The following TFDP2 variants were observed in gnomAD, a reference collection of about 807,000 sequenced individuals.
The protein encoded by TFDP2 is transcription factor Dp-2 (E2F dimerization partner 2).
TFDP2 carries 17 observed loss-of-function variants against 59.3 expected under a neutral mutation model. The ratio of observed to expected loss-of-function variants is 0.29; its 90% CI spans 0.20 to 0.43. The LOEUF (loss-of-function observed/expected upper bound fraction) is 0.43. Among genes scored for constraint, TFDP2 ranks in the 20% least tolerant of loss-of-function variants. The pLI, the probability that TFDP2 is intolerant of heterozygous loss-of-function variation, is 1.00. For synonymous variants in TFDP2, 180 were observed against 194.7 expected (o/e 0.92, Z 0.63); for missense variants, 391 against 528.8 (o/e 0.74, Z 2.56).
intron 3 of TFDP2, among the ~76,000 whole-genome samples, chr3:142,027,927 T>A (rs557044896): frequency 1.3e-5 from 2 of 152,114 alleles, no homozygotes; most frequent in Non-Finnish European, 2.9e-5. Flanking sequence ...CTGTGCCTCA[T>A]AATAAACCAT....
chr3:142,130,289 C>T (rs895761786), intron 1 of TFDP2, among the ~76,000 whole-genome samples: 1 of 151,982 alleles, frequency 6.6e-6, no homozygotes, highest in Non-Finnish European at 1.5e-5. Flanking sequence ...CTGACATATG[C>T]TACATTGATG....
chr3:142,059,775 T>C (rs1284617737), intron 3 of TFDP2, among the ~76,000 whole-genome samples: 1 of 152,074 alleles, frequency 6.6e-6, no homozygotes, highest in Non-Finnish European at 1.5e-5. Context: ...AGAGACGGGG[T>C]TTTGCCATGT....
chr3:142,007,366 A>G (rs1944302129), intron 3 of TFDP2, among the ~76,000 whole-genome samples: 1 of 152,038 alleles, frequency 6.6e-6, no homozygotes, highest in African/African-American at 2.4e-5. Context: ...CCACCCAGTG[A>G]TCTAATCTAG....
intron 3 of TFDP2, among the ~76,000 whole-genome samples, chr3:142,010,400 A>G (rs1214225262): frequency 1.3e-5 from 2 of 152,112 alleles, no homozygotes; most frequent in Non-Finnish European, 2.9e-5. Context: ...CACGAGGTCA[A>G]GAGTTCGACA....
Position 142,094,842 on chromosome 3 carries a change from A to G in TFDP2, c.16-1715T>C, listed in dbSNP as rs1168035571. Among the ~76,000 whole-genome samples the G allele has an allele frequency of 2.0e-5, 3 of 152,172 alleles. No individual in the cohort carries two copies. In the East Asian group the frequency reaches 5.8e-4, roughly 29 times the overall value. ...AATTTAAGATCTATCCTTTTAGCAA[A>G]TTACAAGCACACAATACAGTACTAT... On this transcript the variant is annotated intron_variant, in intron 2 of 12. Coordinates refer to ENST00000489671, the MANE Select transcript of TFDP2 (RefSeq NM_001178139.2).
intron 3 of TFDP2, among the ~76,000 whole-genome samples, chr3:142,080,419 G>A (rs1448769699): frequency 1.3e-5 from 2 of 152,044 alleles, no homozygotes; most frequent in Non-Finnish European, 2.9e-5. Context: ...AGGAACGCAG[G>A]AAGGAAGGGA....
intron 4 of TFDP2, among the ~76,000 whole-genome samples, chr3:141,997,586 A>C (rs1943385685): frequency 6.6e-6 from 1 of 151,940 alleles, no homozygotes; most frequent in Admixed American, 6.6e-5. Flanking sequence ...ATGGTGGCTC[A>C]TGCCTGTAAT....
intron 8 of TFDP2, among the ~76,000 whole-genome samples, chr3:141,973,123 A>ATATTTTTTTTTTTTTTTT: frequency 1.7e-5 from 1 of 58,026 alleles, no homozygotes; most frequent in East Asian, 3.4e-4. Context: ...ATATATATAT[A>ATATTTTTTTTTTTTTTTT]TTTTTTTTTT....
chr3:141,977,091 T>TAGATAGATAGATAGATAGATAG (rs1553763125), intron 7 of TFDP2, among the ~76,000 whole-genome samples: 14 of 102,236 alleles, frequency 1.4e-4, no homozygotes, highest in South Asian at 3.1e-4. Flanking sequence ...GTCATAGCCA[T>TAGATAGATAGATAGATAGATAG]ATATATATAT....
intron 3 of TFDP2, among the ~76,000 whole-genome samples, chr3:142,060,956 A>G (rs777692306): frequency 7.2e-5 from 11 of 152,202 alleles, no homozygotes; most frequent in Non-Finnish European, 1.5e-4. Flanking sequence ...ACGATTTTTC[A>G]TATGAGAACG....
intron 3 of TFDP2, chr3:142,029,280 G>C (rs556378948): frequency 6.6e-6 from 1 of 151,766 alleles, no homozygotes; most frequent in South Asian, 2.1e-4. Context: ...AGGAGGCTAT[G>C]CTTCAATGCC....
chr3:141,953,863 T>C (rs1251111164), intron 11 of TFDP2, among the ~76,000 whole-genome samples: 1 of 146,410 alleles, frequency 6.8e-6, no homozygotes, highest in Non-Finnish European at 1.5e-5. Context: ...CAGACGTTAC[T>C]GTTTTAGTCT....
intron 4 of TFDP2, among the ~76,000 whole-genome samples, chr3:141,997,521 C>T (rs2108214416): frequency 1.3e-5 from 2 of 151,956 alleles, no homozygotes; most frequent in East Asian, 1.9e-4. Flanking sequence ...TAGCAGCCTA[C>T]ATGCTTGGTT....
chr3:142,038,731 TA>T lies in TFDP2; in HGVS notation c.83-33188del, dbSNP rs1946815360. On this transcript the variant is annotated intron_variant, in intron 3 of 12. Transcript: ENST00000489671. ...ACATATCGAGTCTTTCTATGATACA[TA>T]TTTTTTTTTACAAAAAAGGGGATCA... 3.3e-5 allele frequency among the ~76,000 whole-genome samples: 5 copies of T among 151,208 alleles called. No homozygotes were observed. In the South Asian group the frequency reaches 1.0e-3, roughly 32 times the overall value.
chr3:142,044,084 G>T, intron 3 of TFDP2: 1 of 649,628 alleles, frequency 1.5e-6, no homozygotes, highest in South Asian at 1.5e-5. Context: ...CGCATCTGCT[G>T]ACGGGAGTTG....
chr3:141,999,785 G>T (rs1460864841), intron 4 of TFDP2, among the ~76,000 whole-genome samples: 3 of 151,680 alleles, frequency 2.0e-5, no homozygotes, highest in Non-Finnish European at 4.4e-5. Context: ...GCCTAGGCTG[G>T]AGTGCAGTGG....
In TFDP2 at chr3:141,945,774, T is replaced by G. The variant is rs1429778091; in HGVS notation, c.*6739A>C. 1 of 152,258 alleles carries G rather than the reference T, an allele frequency of 6.6e-6. No homozygotes were observed. Among genetic ancestry groups the G allele is most frequent in the Non-Finnish European group, 1.5e-5 (1 of 68,058 alleles). 9.4% of individuals were successfully genotyped at this position (152,258 alleles called of 1,614,324 possible). On this transcript the variant is annotated 3_prime_UTR_variant, in exon 13 of 13. Coordinates refer to ENST00000489671, the MANE Select transcript of TFDP2 (RefSeq NM_001178139.2). ...GAAGTATGGTAAGTGACAAATGGCA[T>G]GCATTGAAGCACGACAAGGGATGAG... is the stretch of plus-strand genomic sequence containing the variant.
chr3:142,127,395 C>G (rs565353247), intron 1 of TFDP2, among the ~76,000 whole-genome samples: 12 of 148,092 alleles, frequency 8.1e-5, no homozygotes, highest in African/African-American at 3.0e-4. Flanking sequence ...CAACCTCTAA[C>G]TCCCGGGTTC....
rs1559898170 is a variant in TFDP2 at position 141,949,806 on chromosome 3, C to CCTTTTTT, written c.*2706_*2707insAAAAAAG. The CCTTTTTT allele has an allele frequency of 1.1e-4, 4 of 34,842 alleles. No individual in the cohort carries two copies. Among genetic ancestry groups the CCTTTTTT allele is most frequent in the East Asian group, 7.4e-4 (1 of 1,344 alleles). 2.2% of individuals were successfully genotyped at this position (34,842 alleles called of 1,614,324 possible). On this transcript the variant is annotated 3_prime_UTR_variant, in exon 13 of 13. Transcript: ENST00000489671. Reference sequence around the variant, plus strand: ...GCCTGGGCATTGTGACCACAACTTCCATTTTTTTTTTTTTTTTTTTTGAGA... The same window carrying CCTTTTTT: ...GCCTGGGCATTGTGACCACAACTTCCCTTTTTTATTTTTTTTTTTTTTTTTTTTGAGA...
Sources: gnomAD v4.1 joint callset for allele counts (sites outside exome capture counted in the v4.1 genomes callset) on GRCh38, gnomAD v4.1.1 for gene constraint, MANE v1.5 for transcripts, NCBI Gene and HGNC (gene_info 2026-07-23, HGNC 2026-07-21) for gene names.